ZNF385D: variants seen among roughly 807,000 people sequenced by gnomAD.
The protein encoded by ZNF385D is zinc finger protein 385D, also known as zinc finger protein 659.
A neutral mutation model predicts 35.8 loss-of-function variants in ZNF385D; 15 were observed. The observed-to-expected ratio is 0.42, with a 90% CI of 0.28 to 0.64. The LOEUF (loss-of-function observed/expected upper bound fraction) is 0.64, where lower values mean the gene tolerates loss of function less well. ZNF385D is among the 30% of genes least tolerant of loss of function. ZNF385D has a pLI of 0.23. For synonymous variants in ZNF385D, 212 were observed against 186.8 expected, an observed-to-expected ratio of 1.13 and a Z score of -1.10; for missense variants, 474 against 494.6, an observed-to-expected ratio of 0.96 and a Z score of 0.39.
At chr3:21,581,781 A>G (rs908243881) in intron 2 of ZNF385D, among the ~76,000 whole-genome samples, 1 of 152,172 alleles carries the variant, frequency 6.6e-6, no homozygotes, top group Non-Finnish European at 1.5e-5. Flanking sequence ...ATGCTTACCA[A>G]GTATTTTAGC....
At chr3:22,283,707 A>T (rs529745000) in intron 2 of ZNF385D, among the ~76,000 whole-genome samples, 1 of 152,264 alleles carries the variant, frequency 6.6e-6, no homozygotes, top group South Asian at 2.1e-4. Flanking sequence ...TTGTGAGAAG[A>T]AACTGAGTTA....
At chr3:22,338,608 G>T (rs2125473943) in intron 2 of ZNF385D, among the ~76,000 whole-genome samples, 1 of 151,530 alleles carries the variant, frequency 6.6e-6, no homozygotes, top group South Asian at 2.1e-4. Flanking sequence ...TTTGAGAGTT[G>T]CTTTCACAGT....
intron 3 of ZNF385D, among the ~76,000 whole-genome samples, chr3:22,081,793 A>T (rs530483981): frequency 6.6e-6 from 1 of 152,130 alleles, no homozygotes; most frequent in Non-Finnish European, 1.5e-5. Context: ...TCATTTTTTT[A>T]AAAAAGGTTG....
intron 3 of ZNF385D, among the ~76,000 whole-genome samples, chr3:21,822,113 C>T (rs1694284179): frequency 6.6e-6 from 1 of 151,836 alleles, no homozygotes; most frequent in Middle Eastern, 3.2e-3. Context: ...ACTCTGTTGC[C>T]CAGGTTGGAG....
chr3:21,904,769 G>A (rs547399790), intron 3 of ZNF385D, among the ~76,000 whole-genome samples: 1 of 152,208 alleles, frequency 6.6e-6, no homozygotes, highest in East Asian at 1.9e-4. Flanking sequence ...GCACTTATAA[G>A]AAAATGAGAA....
chr3:21,682,109 G>A (rs1186103426), intron 1 of ZNF385D, among the ~76,000 whole-genome samples: 1 of 152,140 alleles, frequency 6.6e-6, no homozygotes, highest in Admixed American at 6.6e-5. Flanking sequence ...ACATTTGATG[G>A]ATTACAAGCA....
intron 2 of ZNF385D, among the ~76,000 whole-genome samples, chr3:22,210,126 G>T (rs1332644547): frequency 6.6e-6 from 1 of 151,826 alleles, no homozygotes; most frequent in East Asian, 1.9e-4. Flanking sequence ...GGAAAAGATT[G>T]TGTGGAAGGC....
rs148076488 is a variant in ZNF385D at position 22,154,072 on chromosome 3, C to A, written c.325+14745G>T. Reference sequence around the variant, plus strand: ...AAGGGTTTTTGGTATATGGAATAAGCCTTATGTGAATTGGGAGTAAGGATC... The same window carrying A: ...AAGGGTTTTTGGTATATGGAATAAGACTTATGTGAATTGGGAGTAAGGATC... On this transcript the variant is annotated intron_variant, in intron 3 of 5. Transcript: ENST00000494108. Among the ~76,000 whole-genome samples the A allele has an allele frequency of 1.4e-4, 21 of 152,142 alleles. No homozygotes were observed. The East Asian group carries it at 4.1e-3, about 29-fold the overall frequency.
intron 3 of ZNF385D, among the ~76,000 whole-genome samples, chr3:21,794,692 C>G (rs2125670389): frequency 6.6e-6 from 1 of 152,182 alleles, no homozygotes; most frequent in Non-Finnish European, 1.5e-5. Flanking sequence ...GAGGAAGAGT[C>G]ATCCAGGAGG....
intron 3 of ZNF385D, among the ~76,000 whole-genome samples, chr3:22,007,914 C>G (rs1011281113): frequency 6.8e-6 from 1 of 147,720 alleles, no homozygotes; most frequent in Admixed American, 6.6e-5. Flanking sequence ...TCAATCTTTT[C>G]TTTATCACCT....
At chr3:21,607,239 AAAT>A (rs1051825520) in intron 2 of ZNF385D, among the ~76,000 whole-genome samples, 14 of 152,210 alleles carry the variant, frequency 9.2e-5, no homozygotes, top group Non-Finnish European at 1.8e-4. Context: ...CTATAATAAA[AAAT>A]GATGGATCTT....
At chr3:22,101,672 T>G (rs1315626036) in intron 3 of ZNF385D, among the ~76,000 whole-genome samples, 4 of 151,018 alleles carry the variant, frequency 2.6e-5, no homozygotes, top group Non-Finnish European at 4.4e-5. Flanking sequence ...ATGTACGTTT[T>G]GCAACAGTTC....
intron 3 of ZNF385D, among the ~76,000 whole-genome samples, chr3:21,828,908 C>G (rs1694822753): frequency 6.6e-6 from 1 of 152,200 alleles, no homozygotes; most frequent in African/African-American, 2.4e-5. Context: ...CACATCAGTA[C>G]AAACTCTGGT....
intron 2 of ZNF385D, among the ~76,000 whole-genome samples, chr3:21,632,071 A>T (rs542769673): frequency 6.6e-6 from 1 of 152,252 alleles, no homozygotes; most frequent in East Asian, 1.9e-4. Context: ...TGCGTCAGGC[A>T]CTATTCTAGG....
At position 21,414,954 on chromosome 3, in the gene ZNF385D, T is replaced by C. The variant is rs570264587; in HGVS notation, c.*6260A>G. 4 of 152,140 alleles carry C rather than the reference T, an allele frequency of 2.6e-5. No homozygotes were observed. The highest frequency in any genetic ancestry group is 5.9e-5 in the Non-Finnish European group (4 of 67,982). The allele number at this position is 152,140 out of a possible 1,614,324, so 9.4% of individuals were successfully genotyped here. A position where few individuals can be genotyped will look rare whatever the true frequency, so the allele number is the denominator to read the frequency against. The stretch of plus-strand genomic sequence containing the variant: ...GAGACATAAAGCATCTCACGAAGGG[T>C]CTTTATCCAATATTAGTTGCCCCTA... On this transcript the variant is annotated 3_prime_UTR_variant, in exon 8 of 8. Transcript: ENST00000281523.
chr3:21,758,608 C>T (rs1196050732), intron 3 of ZNF385D, among the ~76,000 whole-genome samples: 1 of 152,058 alleles, frequency 6.6e-6, no homozygotes, highest in East Asian at 1.9e-4. Flanking sequence ...ATTAATGAGA[C>T]CCCTAGCTAC....
intron 3 of ZNF385D, among the ~76,000 whole-genome samples, chr3:22,004,960 G>A (rs1022676071): frequency 1.2e-4 from 18 of 150,262 alleles, no homozygotes; most frequent in African/African-American, 4.4e-4. Flanking sequence ...TTTCACAGAT[G>A]GGTGTCCTTA....
chr3:21,606,081 T>C (rs964744124), intron 2 of ZNF385D, among the ~76,000 whole-genome samples: 1 of 152,166 alleles, frequency 6.6e-6, no homozygotes, highest in Non-Finnish European at 1.5e-5. Flanking sequence ...ACCTGACTTC[T>C]GCGGCACAAA....
chr3:21,645,872 T>C (rs959237995), intron 2 of ZNF385D, among the ~76,000 whole-genome samples: 1 of 152,190 alleles, frequency 6.6e-6, no homozygotes, highest in Non-Finnish European at 1.5e-5. Flanking sequence ...GCATTATGTA[T>C]AGAGAAAAAC....
Sources: gnomAD v4.1 joint callset for allele counts (sites outside exome capture counted in the v4.1 genomes callset) on GRCh38, gnomAD v4.1.1 for gene constraint, MANE v1.5 for transcripts, NCBI Gene and HGNC (gene_info 2026-07-23, HGNC 2026-07-21) for gene names.